SYT16: variants seen among roughly 807,000 people sequenced by gnomAD.
SYT16 encodes synaptotagmin-16.
Under a neutral mutation model 61.4 loss-of-function variants are expected in SYT16, and 42 were observed. The observed-to-expected ratio is 0.68, with a 90% CI of 0.53 to 0.89. The LOEUF is 0.89. Ranked by LOEUF, SYT16 falls within the 40% of genes least tolerant of loss-of-function variation. The pLI is 0.00. For missense variants in SYT16, 804 were observed against 807.3 expected, an observed-to-expected ratio of 1.00 and a Z score of 0.05; for synonymous variants, 314 against 302.3, an observed-to-expected ratio of 1.04 and a Z score of -0.40.
At chr14:62,024,093 C>T (rs965661219) in intron 3 of SYT16, among the ~76,000 whole-genome samples, 1 of 152,016 alleles carries the variant, frequency 6.6e-6, no homozygotes, top group Non-Finnish European at 1.5e-5. Context: ...TAAAACAGCT[C>T]AGATATGAAC....
chr14:61,883,888 C>T (rs1002627411), intron 1 of SYT16, among the ~76,000 whole-genome samples: 31 of 152,144 alleles, frequency 2.0e-4, no homozygotes, highest in Admixed American at 1.7e-3. Flanking sequence ...GGCATGAGTG[C>T]AAGCAGGAGA....
chr14:61,975,838 G>T (rs546804527), intron 2 of SYT16, among the ~76,000 whole-genome samples: 1 of 152,022 alleles, frequency 6.6e-6, no homozygotes, highest in African/African-American at 2.4e-5. Context: ...TGTCTCTTTC[G>T]CATTTCAAAC....
At chr14:62,015,521 G>T (rs925431140) in intron 3 of SYT16, among the ~76,000 whole-genome samples, 4 of 140,164 alleles carry the variant, frequency 2.9e-5, no homozygotes, top group African/African-American at 1.1e-4. Flanking sequence ...TAAAAAACAA[G>T]TGCTATGATC....
At chr14:61,830,222 T>G (rs2045897161) in intron 1 of SYT16, among the ~76,000 whole-genome samples, 1 of 152,224 alleles carries the variant, frequency 6.6e-6, no homozygotes, top group Non-Finnish European at 1.5e-5. Flanking sequence ...GCTTTGATGT[T>G]GGTGTCTGTA....
rs533670286 is a variant in SYT16, at chr14:62,110,074, A to G, written c.*9367A>G. 3 of 152,292 alleles carry G rather than the reference A, an allele frequency of 2.0e-5. No homozygotes were observed. The East Asian group carries it at 5.8e-4, about 29-fold the overall frequency. The allele number at this position is 152,292 out of a possible 1,614,324, so 9.4% of individuals were successfully genotyped here. A position where few individuals can be genotyped will look rare whatever the true frequency, so the allele number is the denominator to read the frequency against. ...TGTATCTGAGAAACATTTTGAGATT[A>G]TTTATATGTCTTCTGACTGCCCTTT... On this transcript the variant is annotated 3_prime_UTR_variant, in exon 8 of 8. Coordinates refer to ENST00000683842, the MANE Select transcript of SYT16 (RefSeq NM_001367656.1).
At chr14:61,881,776 C>T (rs931792114) in intron 1 of SYT16, among the ~76,000 whole-genome samples, 9 of 152,150 alleles carry the variant, frequency 5.9e-5, no homozygotes, top group Non-Finnish European at 7.3e-5. Context: ...AAATGTCTTA[C>T]GGGTACCTCA....
intron 3 of SYT16, among the ~76,000 whole-genome samples, chr14:62,041,276 G>T (rs2054719131): frequency 6.6e-6 from 1 of 152,090 alleles, no homozygotes; most frequent in Admixed American, 6.6e-5. Flanking sequence ...ACAATACTGT[G>T]TATCCTTCAA....
intron 3 of SYT16, among the ~76,000 whole-genome samples, chr14:62,066,969 G>T (rs554393065): frequency 6.6e-6 from 1 of 152,294 alleles, no homozygotes; most frequent in African/African-American, 2.4e-5. Context: ...TGCTGAACCT[G>T]CTGTAAGAGG....
At chr14:61,953,160 G>T (rs1253801240) in intron 1 of SYT16, among the ~76,000 whole-genome samples, 1 of 152,082 alleles carries the variant, frequency 6.6e-6, no homozygotes, top group East Asian at 1.9e-4. Context: ...TTTGTAGTTG[G>T]TTGTATAAAC....
At chr14:62,088,179 A>C (rs899393566) in intron 7 of SYT16, among the ~76,000 whole-genome samples, 1 of 152,270 alleles carries the variant, frequency 6.6e-6, no homozygotes, top group African/African-American at 2.4e-5. Context: ...AGCTTTATTC[A>C]TAACGACAAA....
At chr14:62,059,777 TACACACACAC>T in intron 3 of SYT16, among the ~76,000 whole-genome samples, 1 of 146,816 alleles carries the variant, frequency 6.8e-6, no homozygotes, top group South Asian at 2.1e-4. Flanking sequence ...TGTATACACA[TACACACACAC>T]ACACACACAC....
At chr14:62,075,950 T>G (rs1198811511) in intron 5 of SYT16, among the ~76,000 whole-genome samples, 1 of 152,258 alleles carries the variant, frequency 6.6e-6, no homozygotes, top group African/African-American at 2.4e-5. Flanking sequence ...GAGACAGCAT[T>G]AATCAGTAAT....
intron 1 of SYT16, among the ~76,000 whole-genome samples, chr14:61,852,816 T>A (rs955057347): frequency 2.6e-5 from 4 of 152,224 alleles, no homozygotes; most frequent in African/African-American, 9.6e-5. Context: ...GCAACATATC[T>A]TTTTCATTTG....
intron 3 of SYT16, among the ~76,000 whole-genome samples, chr14:62,027,805 G>A (rs751402313): frequency 6.6e-6 from 1 of 152,146 alleles, no homozygotes; most frequent in Non-Finnish European, 1.5e-5. Flanking sequence ...TTTGAGTCTT[G>A]TGTTCTCCTT....
intron 3 of SYT16, among the ~76,000 whole-genome samples, chr14:62,017,024 T>A (rs973657668): frequency 6.6e-6 from 1 of 152,224 alleles, no homozygotes; most frequent in Non-Finnish European, 1.5e-5. Context: ...AATTCTGCCA[T>A]AACTTTGTCA....
intron 3 of SYT16, among the ~76,000 whole-genome samples, chr14:62,058,398 C>T (rs1292200186): frequency 6.8e-6 from 1 of 147,040 alleles, no homozygotes; most frequent in African/African-American, 2.5e-5. Context: ...AGCTCTGTCA[C>T]CCAGGCTGGA....
chr14:62,060,265 G>A (rs1468266574), intron 3 of SYT16, among the ~76,000 whole-genome samples: 2 of 151,988 alleles, frequency 1.3e-5, no homozygotes, highest in African/African-American at 4.8e-5. Context: ...TAGTGTGAGA[G>A]TTTTGAATGC....
intron 1 of SYT16, among the ~76,000 whole-genome samples, chr14:61,881,989 A>G (rs975800354): frequency 9.9e-5 from 15 of 152,040 alleles, no homozygotes; most frequent in Admixed American, 9.2e-4. Context: ...TCTTCCTTCT[A>G]TGTCCATTTG....
At chr14:62,086,173 T>C (rs1037042286) in intron 7 of SYT16, among the ~76,000 whole-genome samples, 18 of 152,138 alleles carry the variant, frequency 1.2e-4, no homozygotes, top group African/African-American at 3.9e-4. Flanking sequence ...CTCTGCCACT[T>C]ATTATAATAG....
Sources: allele counts gnomAD v4.1 joint callset (sites outside exome capture counted in the v4.1 genomes callset), GRCh38; gene constraint gnomAD v4.1.1; transcripts MANE v1.5; gene names NCBI Gene and HGNC (gene_info 2026-07-23, HGNC 2026-07-21).